RPH3A: variants seen among roughly 807,000 people sequenced by gnomAD.
The protein encoded by RPH3A is rabphilin-3A.
Under a neutral mutation model 102.2 loss-of-function variants are expected in RPH3A, and 48 were observed. The ratio of observed to expected loss-of-function variants is 0.47; its 90% CI spans 0.37 to 0.60. RPH3A has a LOEUF of 0.60. RPH3A is among the 20% of genes least tolerant of loss of function. The pLI is 0.00. For missense variants in RPH3A, 781 were observed against 910.1 expected, an observed-to-expected ratio of 0.86 and a Z score of 1.83; for synonymous variants, 310 against 324.3, an observed-to-expected ratio of 0.96 and a Z score of 0.47.
intron 1 of RPH3A, among the ~76,000 whole-genome samples, chr12:112,684,767 G>C (rs1334786680): frequency 6.6e-6 from 1 of 152,006 alleles, no homozygotes; most frequent in African/African-American, 2.4e-5. Context: ...AGTCCATTCA[G>C]GCTGCTACAA....
At chr12:112,856,234 C>T (rs763756483) in intron 5 of RPH3A, among the ~76,000 whole-genome samples, 2 of 152,202 alleles carry the variant, frequency 1.3e-5, no homozygotes, top group Non-Finnish European at 2.9e-5. Flanking sequence ...ACCTTTTCCT[C>T]GACACGCATC....
chr12:112,806,915 T>A (rs1345442091), intron 2 of RPH3A, among the ~76,000 whole-genome samples: 1 of 151,938 alleles, frequency 6.6e-6, no homozygotes. Flanking sequence ...CCAGAGGAAG[T>A]GATGTTCGAC....
At chr12:112,784,740 T>A (rs373380101) in intron 1 of RPH3A, among the ~76,000 whole-genome samples, 12 of 152,306 alleles carry the variant, frequency 7.9e-5, no homozygotes, top group African/African-American at 2.9e-4. Context: ...GGTTCTGTTG[T>A]AGGAGTTCAG....
At chr12:112,673,907 GT>G (rs2040153226) in intron 1 of RPH3A, among the ~76,000 whole-genome samples, 1 of 151,858 alleles carries the variant, frequency 6.6e-6, no homozygotes, top group African/African-American at 2.4e-5. Context: ...TGTTTTGATT[GT>G]TAGTTCCCAC....
chr12:112,629,465 A>ATTTTTTTTTTTT (rs11294395), intron 1 of RPH3A, among the ~76,000 whole-genome samples: 2 of 84,034 alleles, frequency 2.4e-5, no homozygotes, highest in Admixed American at 1.3e-4. Flanking sequence ...TGCACTTTGC[A>ATTTTTTTTTTTT]TTTTTTTTTT....
At chr12:112,724,692 A>T (rs559657062) in intron 1 of RPH3A, among the ~76,000 whole-genome samples, 11 of 152,322 alleles carry the variant, frequency 7.2e-5, no homozygotes, top group African/African-American at 2.4e-4. Flanking sequence ...GATGAGGCTG[A>T]GCACGGTGGC....
At chr12:112,610,336 C>G (rs954041620) in intron 1 of RPH3A, among the ~76,000 whole-genome samples, 1 of 152,000 alleles carries the variant, frequency 6.6e-6, no homozygotes, top group Non-Finnish European at 1.5e-5. Flanking sequence ...AACCCCGTCT[C>G]TACTAAAAAT....
intron 1 of RPH3A, among the ~76,000 whole-genome samples, chr12:112,754,736 C>T (rs2040810277): frequency 6.6e-6 from 1 of 152,146 alleles, no homozygotes; most frequent in South Asian, 2.1e-4. Flanking sequence ...CTATATTTTT[C>T]CTTTGGCTTG....
chr12:112,863,962 C>A (rs996352757), intron 5 of RPH3A, among the ~76,000 whole-genome samples: 1 of 152,232 alleles, frequency 6.6e-6, no homozygotes, highest in African/African-American at 2.4e-5. Context: ...GGGAACAGAA[C>A]AGACAAGGTG....
intron 10 of RPH3A, among the ~76,000 whole-genome samples, chr12:112,871,331 A>G (rs2042704601): frequency 6.6e-6 from 1 of 152,210 alleles, no homozygotes; most frequent in African/African-American, 2.4e-5. Flanking sequence ...GAAACTTTGT[A>G]TCCATTAAAT....
intron 1 of RPH3A, among the ~76,000 whole-genome samples, chr12:112,673,505 A>T (rs2040149916): frequency 6.6e-6 from 1 of 151,668 alleles, no homozygotes; most frequent in Non-Finnish European, 1.5e-5. Flanking sequence ...TAATTTTTAA[A>T]ATTTTTGTAG....
intron 1 of RPH3A, among the ~76,000 whole-genome samples, chr12:112,601,666 T>C (rs2039560538): frequency 6.6e-6 from 1 of 152,220 alleles, no homozygotes; most frequent in African/African-American, 2.4e-5. Context: ...GCATAGTGGC[T>C]CATGCCTGTA....
chr12:112,688,247 T>C (rs2040281509), intron 1 of RPH3A, among the ~76,000 whole-genome samples: 1 of 152,196 alleles, frequency 6.6e-6, no homozygotes, highest in African/African-American at 2.4e-5. Flanking sequence ...AGAGGAATAT[T>C]ATTTCCAAAT....
intron 1 of RPH3A, among the ~76,000 whole-genome samples, chr12:112,764,339 G>A (rs1248451783): frequency 6.6e-6 from 1 of 152,208 alleles, no homozygotes; most frequent in Non-Finnish European, 1.5e-5. Context: ...GGTTATAGGA[G>A]TGAGAGAAGA....
chr12:112,672,185 C>T (rs2040137370), intron 1 of RPH3A, among the ~76,000 whole-genome samples: 1 of 151,988 alleles, frequency 6.6e-6, no homozygotes, highest in African/African-American at 2.4e-5. Flanking sequence ...AGTCTTGAGT[C>T]TGAAAGCTGG....
chr12:112,752,511 C>T lies in RPH3A; in HGVS notation c.-139-39632C>T, dbSNP rs563260089. Among the ~76,000 whole-genome samples, 5 of 151,328 alleles carry T rather than the reference C, an allele frequency of 3.3e-5. No individual in the cohort carries two copies. In the South Asian group the frequency reaches 1.0e-3, roughly 32 times the overall value. On this transcript the variant is annotated intron_variant, in intron 1 of 21. Coordinates refer to the RPH3A transcript ENST00000543106. ...ACGTATCTCTTGTATGTCTTCTGTT[C>T]AAAACCACAATCATTGGTAAACCAC...
intron 1 of RPH3A, among the ~76,000 whole-genome samples, chr12:112,776,179 T>G (rs2040964078): frequency 2.0e-5 from 3 of 152,204 alleles, no homozygotes; most frequent in Admixed American, 2.0e-4. Context: ...TTAACTAATA[T>G]TTATTGAATA....
chr12:112,792,949 C>A (rs1274657676), intron 2 of RPH3A, among the ~76,000 whole-genome samples: 2 of 151,732 alleles, frequency 1.3e-5, no homozygotes, highest in Admixed American at 1.3e-4. Flanking sequence ...GTGGCGTAAC[C>A]TGTAAGTGAT....
rs1485140451 is a variant in RPH3A, at chr12:112,866,834, G to A, written c.438G>A (p.Gln146=). 1 of 1,608,126 alleles carries A rather than the reference G, an allele frequency of 6.2e-7. No homozygotes were observed. Among genetic ancestry groups the A allele is most frequent in the Non-Finnish European group, 8.5e-7 (1 of 1,176,848 alleles). The change falls in exon 7 of 22, where the codon CAG becomes CAA. Residue 146 remains glutamine, a synonymous_variant. Coordinates refer to ENST00000389385, the MANE Select transcript of RPH3A (RefSeq NM_001143854.2). ...GGCTCTGCAAAATCTGCATTGAGCA[G>A]AGGGAGGTGAGTGCCCTGGTCCCAC... ...SVWLCKICIE[Q]REVWKRSGAW...
Sources: gnomAD v4.1 joint callset for allele counts (sites outside exome capture counted in the v4.1 genomes callset) on GRCh38, gnomAD v4.1.1 for gene constraint, MANE v1.5 for transcripts, NCBI Gene and HGNC (gene_info 2026-07-23, HGNC 2026-07-21) for gene names.